The following CRKL variants were observed in gnomAD, a reference collection of about 807,000 sequenced individuals.
CRKL encodes the protein CRK like proto-oncogene, adaptor protein, also known as crk-like protein.
CRKL carries 3 observed loss-of-function variants against 23.0 expected under a neutral mutation model. The observed-to-expected ratio is 0.13, with a 90% CI of 0.06 to 0.34. CRKL has a LOEUF of 0.34. CRKL is among the 10% of genes least tolerant of loss of function. The probability of loss-of-function intolerance (pLI) is 1.00; values close to 1 mark genes in which losing one functional copy is unlikely to be tolerated. For synonymous variants in CRKL, 188 were observed against 160.7 expected, an observed-to-expected ratio of 1.17 and a Z score of -1.28; for missense variants, 256 against 394.5, an observed-to-expected ratio of 0.65 and a Z score of 2.97.
chr22:20,949,454 A>T (rs1922186958), intron 2 of CRKL, among the ~76,000 whole-genome samples: 1 of 152,200 alleles, frequency 6.6e-6, no homozygotes, highest in South Asian at 2.1e-4. Flanking sequence ...AAATTAAAAA[A>T]TAATGTGCAT....
chr22:20,926,421 A>G (rs1921205603), intron 1 of CRKL, among the ~76,000 whole-genome samples: 1 of 152,172 alleles, frequency 6.6e-6, no homozygotes, highest in Non-Finnish European at 1.5e-5. Context: ...TAGGAATGTA[A>G]AGTGGCACAT....
At chr22:20,935,687 G>A (rs1601680585) in intron 2 of CRKL, among the ~76,000 whole-genome samples, 1 of 151,042 alleles carries the variant, frequency 6.6e-6, no homozygotes, top group East Asian at 2.0e-4. Context: ...CACCCTGCCC[G>A]GCTAATTTTT....
intron 2 of CRKL, among the ~76,000 whole-genome samples, chr22:20,948,479 C>T (rs1350526308): frequency 6.6e-6 from 1 of 152,124 alleles, no homozygotes; most frequent in Non-Finnish European, 1.5e-5. Flanking sequence ...GGAATCTCTA[C>T]TCAAGTAACA....
chr22:20,921,778 G>T (rs1014901584), intron 1 of CRKL, among the ~76,000 whole-genome samples: 27 of 150,906 alleles, frequency 1.8e-4, no homozygotes, highest in Non-Finnish European at 3.8e-4. Flanking sequence ...GTGCGATCTC[G>T]GCTCACTGCA....
intron 2 of CRKL, among the ~76,000 whole-genome samples, chr22:20,945,170 T>G (rs902115289): frequency 6.6e-6 from 1 of 151,922 alleles, no homozygotes; most frequent in Non-Finnish European, 1.5e-5. Flanking sequence ...ATTTTTTGTA[T>G]TTTTAGTAGA....
intron 1 of CRKL, among the ~76,000 whole-genome samples, chr22:20,928,190 C>T (rs1309630086): frequency 6.6e-6 from 1 of 151,768 alleles, no homozygotes; most frequent in Non-Finnish European, 1.5e-5. Context: ...GGTGTGGTGG[C>T]ATGCACCTGT....
At chr22:20,918,446 T>C (rs737892) in intron 1 of CRKL, among the ~76,000 whole-genome samples, 53,779 of 150,864 alleles carry the variant, frequency 0.36, 10,232 homozygotes, top group African/African-American at 0.5. Context: ...TTTTTTTCCC[T>C]CTCACGAGGC....
At position 20,920,127 on chromosome 22, in the gene CRKL, A is replaced by G. The variant is rs867277468; in HGVS notation, c.311+1882A>G. Among the ~76,000 whole-genome samples, 32 of 152,196 alleles carry G rather than the reference A, an allele frequency of 2.1e-4. 1 individual carries two copies. Among genetic ancestry groups the G allele is most frequent in the Admixed American group, 5.9e-4 (9 of 15,274 alleles). On this transcript the variant is annotated intron_variant, in intron 1 of 2. Coordinates refer to ENST00000354336, the MANE Select transcript of CRKL (RefSeq NM_005207.4). Reference sequence around the variant, plus strand: ...TTCCTCTCGTTTGTGAGCGTGAATTATATAATTAATACCAGGCATTCATTA... The same window carrying G: ...TTCCTCTCGTTTGTGAGCGTGAATTGTATAATTAATACCAGGCATTCATTA...
At chr22:20,935,413 A>C (rs1275880451) in intron 2 of CRKL, among the ~76,000 whole-genome samples, 1 of 152,118 alleles carries the variant, frequency 6.6e-6, no homozygotes, top group East Asian at 1.9e-4. Flanking sequence ...ACGCCCAGCC[A>C]TAGAGGAATG....
At chr22:20,922,832 C>T (rs1246270119) in intron 1 of CRKL, among the ~76,000 whole-genome samples, 3 of 152,094 alleles carry the variant, frequency 2.0e-5, no homozygotes, top group Non-Finnish European at 4.4e-5. Flanking sequence ...ACTGCCACAC[C>T]TGGCTAATTT....
chr22:20,950,538 C>A lies in CRKL; in HGVS notation c.*693C>A, dbSNP rs567840743. 39 of 225,166 alleles carry A rather than the reference C, an allele frequency of 1.7e-4. No homozygotes were observed. In the Admixed American group the frequency reaches 2.2e-3, roughly 13 times the overall value. 13.9% of individuals were successfully genotyped at this position (225,166 alleles called of 1,614,324 possible). On this transcript the variant is annotated 3_prime_UTR_variant, in exon 3 of 3. Transcript: ENST00000354336. The stretch of plus-strand genomic sequence containing the variant: ...AAGCGATTCTCCTGCCTCAGCCTCC[C>A]AAGTAGCTGGGACTGCAGGCGCGCA...
chr22:20,930,239 G>A (rs915590414), intron 1 of CRKL, among the ~76,000 whole-genome samples: 1 of 152,182 alleles, frequency 6.6e-6, no homozygotes, highest in Non-Finnish European at 1.5e-5. Flanking sequence ...TTAGATGGGG[G>A]ATCAGCAAAC....
chr22:20,942,978 C>T (rs1921931834), intron 2 of CRKL, among the ~76,000 whole-genome samples: 1 of 152,114 alleles, frequency 6.6e-6, no homozygotes, highest in Admixed American at 6.6e-5. Flanking sequence ...TTCCAACCAG[C>T]AGTATATAAG....
At chr22:20,928,959 T>A (rs1175220371) in intron 1 of CRKL, among the ~76,000 whole-genome samples, 1 of 152,164 alleles carries the variant, frequency 6.6e-6, no homozygotes, top group Non-Finnish European at 1.5e-5. Context: ...ATGTTTTGTG[T>A]ATGGTTTATA....
At chr22:20,945,500 C>T (rs1212175937) in intron 2 of CRKL, among the ~76,000 whole-genome samples, 1 of 152,138 alleles carries the variant, frequency 6.6e-6, no homozygotes, top group East Asian at 1.9e-4. Context: ...CTACCTTTCC[C>T]AAATAAAATC....
chr22:20,921,540 CG>C (rs1920994930), intron 1 of CRKL, among the ~76,000 whole-genome samples: 1 of 36,218 alleles, frequency 2.8e-5, no homozygotes, highest in Non-Finnish European at 7.1e-5. Context: ...CCTGGGGTGG[CG>C]TGGTCAGAGA....
In CRKL at chr22:20,950,924, T is replaced by C. The variant is rs545372340; in HGVS notation, c.*1079T>C. The C allele has an allele frequency of 4.3e-6, 1 of 232,376 alleles. No homozygotes were observed. The highest frequency in any genetic ancestry group is 6.1e-5 in the East Asian group (1 of 16,478). 14.4% of individuals were successfully genotyped at this position (232,376 alleles called of 1,614,324 possible). A position where few individuals can be genotyped will look rare whatever the true frequency, so the allele number is the denominator to read the frequency against. ...GACAACACACAAAATAATGCAGTTG[T>C]GGTGTGCCATGCTATGTGCACAGCC... is the stretch of plus-strand genomic sequence containing the variant. On this transcript the variant is annotated 3_prime_UTR_variant, in exon 3 of 3. Transcript: ENST00000354336.
chr22:20,918,922 G>T (rs1929790140), intron 1 of CRKL, among the ~76,000 whole-genome samples: 2 of 151,790 alleles, frequency 1.3e-5, no homozygotes, highest in African/African-American at 4.8e-5. Context: ...ACTTCTTTGA[G>T]AATCTGAAGA....
At position 20,917,887 on chromosome 22, in the gene CRKL, C is replaced by T. The variant is rs1170249840; in HGVS notation, c.-48C>T. 3 of 1,573,544 alleles carry T rather than the reference C, an allele frequency of 1.9e-6. No homozygotes were observed. The highest frequency in any genetic ancestry group is 2.6e-6 in the Non-Finnish European group (3 of 1,157,842). ...GCCGGGCTAAGGCGTGCAGAGCAGG[C>T]GAGGACAGCCGCCGCCCCTACCGCC... On this transcript the variant is annotated 5_prime_UTR_variant, in exon 1 of 3. Transcript: ENST00000354336.
Sources: allele counts gnomAD v4.1 joint callset (sites outside exome capture counted in the v4.1 genomes callset), GRCh38; gene constraint gnomAD v4.1.1; transcripts MANE v1.5; gene names NCBI Gene and HGNC (gene_info 2026-07-23, HGNC 2026-07-21).